The following AP1S3 variants were observed in gnomAD, a reference collection of about 807,000 sequenced individuals.
AP1S3 encodes AP-1 complex subunit sigma-3.
AP1S3 carries 10 observed loss-of-function variants against 20.9 expected under a neutral mutation model. The ratio of observed to expected loss-of-function variants is 0.48; its 90% confidence interval spans 0.29 to 0.81. The LOEUF is 0.81. AP1S3 is among the 30% of genes least tolerant of loss of function. AP1S3 has a pLI of 0.08. For missense variants in AP1S3, 154 were observed against 183.8 expected, an observed-to-expected ratio of 0.84 and a Z score of 0.94; for synonymous variants, 41 against 61.5, an observed-to-expected ratio of 0.67 and a Z score of 1.56.
At chr2:223,826,137 A>T (rs1692122495) in intron 1 of AP1S3, among the ~76,000 whole-genome samples, 1 of 152,180 alleles carries the variant, frequency 6.6e-6, no homozygotes, top group South Asian at 2.1e-4. Flanking sequence ...TCAGTTGTTT[A>T]ATTTTTTCCT....
At chr2:223,832,135 CTGTGTGTGTGTGTGTGTGTG>C (rs774812162) in intron 1 of AP1S3, among the ~76,000 whole-genome samples, 20 of 70,738 alleles carry the variant, frequency 2.8e-4, no homozygotes, top group Non-Finnish European at 6.3e-4. Context: ...AGTTTTCTCT[CTGTGTGTGTGTGTGTGTGTG>C]TGTGTGTGTG....
chr2:223,758,675 T>C lies in AP1S3; in HGVS notation c.*40A>G. 1 of 1,565,948 alleles carries C rather than the reference T, an allele frequency of 6.4e-7. No homozygotes were observed. Among genetic ancestry groups the C allele is most frequent in the Admixed American group, 1.9e-5 (1 of 53,254 alleles). On this transcript the variant is annotated 3_prime_UTR_variant, in exon 5 of 5. Transcript: ENST00000396654. ...TGGGAGGCGTTGCTTATTTACAGCT[T>C]CATAACATGTAGTGCTGGAGTCTTC...
At chr2:223,834,342 G>A (rs148565484) in intron 1 of AP1S3, among the ~76,000 whole-genome samples, 1 of 152,188 alleles carries the variant, frequency 6.6e-6, no homozygotes, top group East Asian at 1.9e-4. Context: ...TATAATCTCA[G>A]CACTTTGGGA....
At chr2:223,791,080 C>G (rs1691206761) in intron 1 of AP1S3, among the ~76,000 whole-genome samples, 1 of 152,142 alleles carries the variant, frequency 6.6e-6, no homozygotes, top group Admixed American at 6.6e-5. Context: ...GGATTCACAG[C>G]TGAATTCTAC....
chr2:223,831,183 T>G (rs1299492617), intron 1 of AP1S3, among the ~76,000 whole-genome samples: 1 of 151,946 alleles, frequency 6.6e-6, no homozygotes, highest in African/African-American at 2.4e-5. Flanking sequence ...AAGGCTGGAG[T>G]GCAGTGGCAC....
chr2:223,808,394 G>C (rs1691635526), intron 1 of AP1S3, among the ~76,000 whole-genome samples: 1 of 152,192 alleles, frequency 6.6e-6, no homozygotes, highest in South Asian at 2.1e-4. Flanking sequence ...GCTAAGTAAT[G>C]GGGATTGAAT....
chr2:223,797,376 G>A (rs749901644), intron 1 of AP1S3, among the ~76,000 whole-genome samples: 2 of 152,178 alleles, frequency 1.3e-5, no homozygotes, highest in East Asian at 1.9e-4. Context: ...GTCAATCACT[G>A]TTGCTAAGTC....
intron 3 of AP1S3, among the ~76,000 whole-genome samples, chr2:223,769,610 T>TGCAAGCG (rs889391402): frequency 1.7e-5 from 1 of 59,858 alleles, no homozygotes; most frequent in South Asian, 9.7e-4. Context: ...TTGTATATGT[T>TGCAAGCG]TCAGCTATGT....
At position 223,757,110 on chromosome 2, in the gene AP1S3, C is replaced by CT. The variant is rs1690241347; in HGVS notation, c.*1604_*1605insA. The CT allele has an allele frequency of 1.8e-6, 1 of 569,224 alleles. No homozygotes were observed. The allele number at this position is 569,224 out of a possible 1,614,324, so 35.3% of individuals were successfully genotyped here. A position where few individuals can be genotyped will look rare whatever the true frequency, so the allele number is the denominator to read the frequency against. On this transcript the variant is annotated 3_prime_UTR_variant, in exon 5 of 5. Coordinates refer to ENST00000396654, the MANE Select transcript of AP1S3 (RefSeq NM_001039569.2). The stretch of plus-strand genomic sequence containing the variant: ...GTTCAAGCCATTCCCCTGCCTCAGC[C>CT]CCCTGAGTAGCTGGGATTACAGGCA...
chr2:223,756,582 C>A lies in AP1S3; in HGVS notation c.*2133G>T. 3.0e-6 allele frequency: 3 copies of A among 985,392 alleles called. No individual in the cohort carries two copies. The highest frequency in any genetic ancestry group is 3.6e-6 in the Non-Finnish European group (3 of 829,912). The allele number at this position is 985,392 out of a possible 1,614,324, so 61.0% of individuals were successfully genotyped here. On this transcript the variant is annotated 3_prime_UTR_variant, in exon 5 of 5. Coordinates refer to ENST00000396654, the MANE Select transcript of AP1S3 (RefSeq NM_001039569.2). ...GTGGTCAATCATACATGATAAACTT[C>A]AAGCTGATGCCATAATTGTAATTAC...
In AP1S3 at chr2:223,758,658, G is replaced by T; in HGVS notation, c.*57C>A. ...TCCATCAAAAAACCGGATGGGAGGC[G>T]TTGCTTATTTACAGCTTCATAACAT... On this transcript the variant is annotated 3_prime_UTR_variant, in exon 5 of 5. Coordinates refer to ENST00000396654, the MANE Select transcript of AP1S3 (RefSeq NM_001039569.2). 6.6e-7 allele frequency: 1 copy of T among 1,508,128 alleles called. No individual in the cohort carries two copies. The highest frequency in any genetic ancestry group is 1.4e-5 in the South Asian group (1 of 69,286). 93.4% of individuals were successfully genotyped at this position (1,508,128 alleles called of 1,614,324 possible).
intron 1 of AP1S3, among the ~76,000 whole-genome samples, chr2:223,834,541 G>C (rs554828871): frequency 1.1e-4 from 16 of 152,180 alleles, no homozygotes; most frequent in Admixed American, 9.2e-4. Flanking sequence ...AGTAAGCCAT[G>C]TTCATGCTAC....
intron 1 of AP1S3, among the ~76,000 whole-genome samples, chr2:223,809,640 T>C (rs1691672763): frequency 6.6e-6 from 1 of 151,658 alleles, no homozygotes; most frequent in South Asian, 2.1e-4. Flanking sequence ...TGAGACTCCG[T>C]TTCAAAACAA....
At chr2:223,829,271 T>C (rs58952034) in intron 1 of AP1S3, among the ~76,000 whole-genome samples, 24,615 of 152,218 alleles carry the variant, frequency 0.16, 2,555 homozygotes, top group East Asian at 0.41. Flanking sequence ...AATGGGTCAA[T>C]AAGCCATGAC....
chr2:223,803,246 T>C (rs1475274030), intron 1 of AP1S3, among the ~76,000 whole-genome samples: 3 of 152,350 alleles, frequency 2.0e-5, no homozygotes, highest in East Asian at 1.9e-4. Context: ...ATAAATTCAC[T>C]CTTTCAGAAA....
rs754128020 is a variant in AP1S3, at chr2:223,777,885, C to CA, written c.4-17dup. ...TGAAATGTATCTAGAACAAAGGACA[C>CA]AAAAAACAGAACCTGATCAACCAAG... On this transcript the variant is annotated splice_polypyrimidine_tract_variant and intron_variant, in intron 1 of 4. Coordinates refer to ENST00000396654, the MANE Select transcript of AP1S3 (RefSeq NM_001039569.2). 27 of 1,599,036 alleles carry CA rather than the reference C, an allele frequency of 1.7e-5. No individual in the cohort carries two copies. The highest frequency in any genetic ancestry group is 2.3e-5 in the South Asian group (2 of 88,230).
chr2:223,817,621 A>AAAAAAG (rs1553525097), intron 1 of AP1S3, among the ~76,000 whole-genome samples: 1 of 148,448 alleles, frequency 6.7e-6, no homozygotes, highest in African/African-American at 2.5e-5. Context: ...AAAAAAAAAA[A>AAAAAAG]AAAGAAAAGA....
intron 3 of AP1S3, among the ~76,000 whole-genome samples, chr2:223,766,403 C>A (rs1192265079): frequency 6.6e-6 from 1 of 152,140 alleles, no homozygotes; most frequent in Non-Finnish European, 1.5e-5. Context: ...ATGATACTTT[C>A]TTTTGCTGTG....
intron 2 of AP1S3, among the ~76,000 whole-genome samples, chr2:223,777,254 G>T (rs995079736): frequency 3.3e-5 from 5 of 152,206 alleles, no homozygotes; most frequent in African/African-American, 9.6e-5. Flanking sequence ...AATTAGTCAG[G>T]CATAGTGGCA....
Sources: allele counts gnomAD v4.1 joint callset (sites outside exome capture counted in the v4.1 genomes callset), GRCh38; gene constraint gnomAD v4.1.1; transcripts MANE v1.5; gene names NCBI Gene and HGNC (gene_info 2026-07-23, HGNC 2026-07-21).